Variants in RASGEF1C observed in about 807,000 individuals in gnomAD.
RASGEF1C encodes RasGEF domain family member 1C.
Under a neutral mutation model 58.1 loss-of-function variants are expected in RASGEF1C, and 27 were observed. That is an observed-to-expected ratio of 0.46 (90% CI 0.34 to 0.64). RASGEF1C has a LOEUF of 0.64. RASGEF1C is among the 30% of genes least tolerant of loss of function. RASGEF1C has a pLI of 0.01. For synonymous variants in RASGEF1C, 243 were observed against 246.3 expected (o/e 0.99, Z 0.13); for missense variants, 502 against 605.1 (o/e 0.83, Z 1.79).
At position 180,137,846 on chromosome 5, in the gene RASGEF1C, ACT is replaced by A; in HGVS notation, c.177+28_177+29del. 2 of 1,605,988 alleles carry A rather than the reference ACT, an allele frequency of 1.2e-6. No homozygotes were observed. The highest frequency in any genetic ancestry group is 1.7e-6 in the Non-Finnish European group (2 of 1,176,606). ...CCCCGTGCGTGGTGGAGGAGAGCCC[ACT>A]CTCCTGCCCGCTGGGTGGATCACCC... On this transcript the variant is annotated intron_variant, in intron 2 of 13. Coordinates refer to ENST00000361132, the MANE Select transcript of RASGEF1C (RefSeq NM_175062.4). This position sits in a 1 kb window ranked among gnomAD's most constrained non-coding sequence, Gnocchi z 4.1.
intron 1 of RASGEF1C, among the ~76,000 whole-genome samples, chr5:180,167,167 G>A (rs1172818723): frequency 1.3e-5 from 2 of 151,898 alleles, no homozygotes; most frequent in Admixed American, 6.6e-5. Flanking sequence ...TTTCTGTGCC[G>A]CACTCTTTCT....
intron 1 of RASGEF1C, among the ~76,000 whole-genome samples, chr5:180,193,895 G>C (rs1435340198): frequency 6.6e-6 from 1 of 152,202 alleles, no homozygotes; most frequent in Admixed American, 6.5e-5. Flanking sequence ...TTTGCTGTAA[G>C]CACCTAATAG....
chr5:180,137,799 G>T lies in RASGEF1C; in HGVS notation c.177+77C>A, dbSNP rs971621044. On this transcript the variant is annotated intron_variant, in intron 2 of 13. Transcript: ENST00000361132. The surrounding 1 kb of genome is among the most constrained non-coding windows in gnomAD (Gnocchi z 4.1). ...CAGCTGGCCCTGTACCCTGGCCCAA[G>T]GTCACGCCCAACCCTGATGCCCCCC... 1 of 1,603,090 alleles carries T rather than the reference G, an allele frequency of 6.2e-7. No homozygotes were observed. Among genetic ancestry groups the T allele is most frequent in the Non-Finnish European group, 8.5e-7 (1 of 1,174,958 alleles).
chr5:180,118,647 C>G lies in RASGEF1C; in HGVS notation c.1045G>C (p.Ala349Pro). 1 of 1,613,602 alleles carries G rather than the reference C, an allele frequency of 6.2e-7. No homozygotes were observed. Among genetic ancestry groups the G allele is most frequent in the Non-Finnish European group, 8.5e-7 (1 of 1,179,774 alleles). ...CNYRTALRGA[A>P]HRSLTAHSSR... Reference sequence around the variant, plus strand: ...CTGTGGGCCGTCAGGGAGCGGTGGGCCGCCCCGCGCAGGGCTGTCCTGTAG... The same window carrying G: ...CTGTGGGCCGTCAGGGAGCGGTGGGGCGCCCCGCGCAGGGCTGTCCTGTAG... Residue 349 changes from alanine to proline, a missense_variant, in exon 10 of 14, where the codon GCC (alanine) becomes CCC (proline). Physicochemically the swap from Ala to Pro is conservative, Grantham distance 27. Transcript: ENST00000361132.
chr5:180,196,676 G>A (rs77138876), intron 1 of RASGEF1C, among the ~76,000 whole-genome samples: 12,194 of 151,968 alleles, frequency 0.08, 792 homozygotes, highest in African/African-American at 0.17. Context: ...TGCTATCCTC[G>A]CCACCTGGGG....
intron 1 of RASGEF1C, among the ~76,000 whole-genome samples, chr5:180,191,450 G>C (rs538586627): frequency 6.6e-6 from 1 of 152,048 alleles, no homozygotes; most frequent in Non-Finnish European, 1.5e-5. Context: ...TCCGCCTCCC[G>C]GGTTCACGCC....
chr5:180,191,042 G>A (rs1169757668), intron 1 of RASGEF1C, among the ~76,000 whole-genome samples: 1 of 152,188 alleles, frequency 6.6e-6, no homozygotes, highest in African/African-American at 2.4e-5. Flanking sequence ...AAGAAATGAT[G>A]TCTCATATCA....
At chr5:180,196,342 A>G (rs1477631289) in intron 1 of RASGEF1C, among the ~76,000 whole-genome samples, 1 of 152,032 alleles carries the variant, frequency 6.6e-6, no homozygotes, top group African/African-American at 2.4e-5. Context: ...TCTACCAAAA[A>G]TATAAAAAAT....
At position 180,133,296 on chromosome 5, in the gene RASGEF1C, C is replaced by T. The variant is rs560340497; in HGVS notation, c.438+3082G>A. ...CCTCAGTCCCTCTCCAGTGCTGCTC[C>T]AGCTGCCGAGAGCTGGTGTGGAGCA... On this transcript the variant is annotated intron_variant, in intron 4 of 13. Transcript: ENST00000361132. Among the ~76,000 whole-genome samples the T allele has an allele frequency of 8.5e-5, 13 of 152,306 alleles. No homozygotes were observed. The East Asian group carries it at 2.5e-3, about 29-fold the overall frequency.
intron 1 of RASGEF1C, among the ~76,000 whole-genome samples, chr5:180,183,711 T>G (rs1755961757): frequency 6.6e-6 from 1 of 150,968 alleles, no homozygotes; most frequent in African/African-American, 2.4e-5. Context: ...GTAATTCAAC[T>G]ACTTGGGAGG....
intron 1 of RASGEF1C, among the ~76,000 whole-genome samples, chr5:180,141,773 G>A (rs1033440671): frequency 1.4e-5 from 2 of 145,428 alleles, no homozygotes; most frequent in African/African-American, 2.6e-5. Context: ...GTAGTGGCAC[G>A]ATCTTTGCTC....
At chr5:180,203,263 A>C (rs2127564624) in intron 1 of RASGEF1C, among the ~76,000 whole-genome samples, 1 of 152,286 alleles carries the variant, frequency 6.6e-6, no homozygotes, top group Non-Finnish European at 1.5e-5. Flanking sequence ...TTACGTTGTT[A>C]TATCATGTAT....
At chr5:180,201,615 GA>G (rs1202070468) in intron 1 of RASGEF1C, among the ~76,000 whole-genome samples, 4 of 152,134 alleles carry the variant, frequency 2.6e-5, no homozygotes, top group Non-Finnish European at 4.4e-5. Flanking sequence ...TTTACAAAGG[GA>G]AAAACCACAC....
At chr5:180,101,964 C>G in intron 13 of RASGEF1C, 107 bp downstream of exon 13, 3 of 813,510 alleles carry the variant, frequency 3.7e-6, no homozygotes, top group Non-Finnish European at 6.2e-6. Context: ...CCCCTCGGCC[C>G]TGTCCTGGTC....
At chr5:180,166,770 C>T (rs1392694779) in intron 1 of RASGEF1C, among the ~76,000 whole-genome samples, 3 of 152,140 alleles carry the variant, frequency 2.0e-5, no homozygotes, top group Non-Finnish European at 4.4e-5. Flanking sequence ...CCCGCCTCGG[C>T]CTCCCAAAGT....
At chr5:180,182,204 C>CAAAAAAAAAAAG (rs1767348464) in intron 1 of RASGEF1C, among the ~76,000 whole-genome samples, 1 of 22,758 alleles carries the variant, frequency 4.4e-5, no homozygotes, top group Non-Finnish European at 8.0e-5. Context: ...GACTCCGTCT[C>CAAAAAAAAAAAG]AAAAAAAAAA....
chr5:180,207,380 G>A (rs1438395244), intron 1 of RASGEF1C, among the ~76,000 whole-genome samples: 1 of 152,240 alleles, frequency 6.6e-6, no homozygotes, highest in Non-Finnish European at 1.5e-5. Context: ...GGCGGCGAGT[G>A]CACGCCCCAC....
Position 180,121,637 on chromosome 5 carries a change from TCACACA to T in RASGEF1C, c.715-494_715-489del, listed in dbSNP as rs762495633. Among the ~76,000 whole-genome samples the T allele has an allele frequency of 3.3e-3, 378 of 113,340 alleles. 4 individuals are homozygous for T. Among genetic ancestry groups the T allele is most frequent in the Middle Eastern group, 0.013 (3 of 240 alleles). 74.4% of individuals were successfully genotyped at this position (113,340 alleles called of 152,430 possible). A position where few individuals can be genotyped will look rare whatever the true frequency, so the allele number is the denominator to read the frequency against. ...TAAAAATACATTTTAAAATGTAACT[TCACACA>T]CACACACACACACACACACACACAC... is the stretch of plus-strand genomic sequence containing the variant. On this transcript the variant is annotated intron_variant, in intron 6 of 13. Coordinates refer to ENST00000361132, the MANE Select transcript of RASGEF1C (RefSeq NM_175062.4).
intron 1 of RASGEF1C, among the ~76,000 whole-genome samples, chr5:180,162,745 T>C (rs962194418): frequency 1.1e-4 from 17 of 152,228 alleles, no homozygotes; most frequent in African/African-American, 3.9e-4. Flanking sequence ...AATTACTTTA[T>C]ATATTTCCAC....
Sources: allele counts gnomAD v4.1 joint callset (sites outside exome capture counted in the v4.1 genomes callset), GRCh38; gene constraint gnomAD v4.1.1; non-coding constraint Gnocchi (gnomAD v3.1); transcripts MANE v1.5; gene names NCBI Gene and HGNC (gene_info 2026-07-23, HGNC 2026-07-21).